SPATA13: variants seen among roughly 807,000 people sequenced by gnomAD.
SPATA13 encodes spermatogenesis associated 13, also known as spermatogenesis-associated protein 13.
In SPATA13, 50 loss-of-function variants were observed where a neutral mutation model predicts 104.0. The ratio of observed to expected loss-of-function variants is 0.48; its 90% CI spans 0.38 to 0.61. SPATA13 has a LOEUF of 0.61. Ranked by LOEUF, SPATA13 falls within the 20% of genes least tolerant of loss-of-function variation. The pLI is 0.00. For synonymous variants in SPATA13, 606 were observed against 667.5 expected (o/e 0.91, Z 1.42); for missense variants, 1,524 against 1,690.6 (o/e 0.90, Z 1.73).
At chr13:24,251,545 G>C in intron 3 of SPATA13, 173 bp from the exon 4 acceptor site, 1 of 1,461,880 alleles carries the variant, frequency 6.8e-7, no homozygotes, top group Non-Finnish European at 9.0e-7. Context: ...GTTAAAAACT[G>C]TAGCATCATG....
intron 3 of SPATA13, among the ~76,000 whole-genome samples, chr13:24,103,925 T>C (rs1258680381): frequency 6.6e-6 from 1 of 152,198 alleles, no homozygotes; most frequent in Non-Finnish European, 1.5e-5. Context: ...CCAGCGCTGC[T>C]CAGACATGTC....
intron 7 of SPATA13, among the ~76,000 whole-genome samples, chr13:24,288,366 T>C (rs1876104163): frequency 6.6e-6 from 1 of 152,258 alleles, no homozygotes; most frequent in African/African-American, 2.4e-5. Context: ...ATGGTCAGTT[T>C]ATTCTACTGA....
chr13:24,092,015 T>C (rs1001499986), intron 3 of SPATA13, among the ~76,000 whole-genome samples: 8 of 152,230 alleles, frequency 5.3e-5, no homozygotes, highest in African/African-American at 1.9e-4. Context: ...CCGTTCTTCC[T>C]GACGGTTAGT....
chr13:24,032,425 T>G (rs372889856), intron 3 of SPATA13, among the ~76,000 whole-genome samples: 39 of 152,372 alleles, frequency 2.6e-4, no homozygotes, highest in African/African-American at 9.1e-4. Flanking sequence ...CACATGGTAT[T>G]ATTCTTAACA....
intron 1 of SPATA13, among the ~76,000 whole-genome samples, chr13:24,210,157 G>A (rs1444771646): frequency 1.3e-5 from 2 of 152,146 alleles, no homozygotes; most frequent in Admixed American, 6.6e-5. Flanking sequence ...AGTTGTTTGA[G>A]ATCCTCATCT....
At chr13:24,249,221 C>T (rs1873334133) in intron 2 of SPATA13, among the ~76,000 whole-genome samples, 1 of 152,198 alleles carries the variant, frequency 6.6e-6, no homozygotes, top group Non-Finnish European at 1.5e-5. Flanking sequence ...GGTCACCAAA[C>T]CACTATTTCA....
At chr13:23,981,751 C>G (rs1477925763) in intron 1 of SPATA13, among the ~76,000 whole-genome samples, 1 of 152,190 alleles carries the variant, frequency 6.6e-6, no homozygotes, top group Non-Finnish European at 1.5e-5. Flanking sequence ...GGCTCAAGAT[C>G]CAAAAGCCAC....
chr13:24,052,033 T>C (rs1878359288), intron 3 of SPATA13, among the ~76,000 whole-genome samples: 1 of 152,092 alleles, frequency 6.6e-6, no homozygotes, highest in Non-Finnish European at 1.5e-5. Flanking sequence ...CCCTACCAGC[T>C]GGTGAGGAGT....
At chr13:24,145,570 G>A (rs907014192) in intron 3 of SPATA13, among the ~76,000 whole-genome samples, 30 of 152,192 alleles carry the variant, frequency 2.0e-4, no homozygotes, top group African/African-American at 6.8e-4. Flanking sequence ...TGGCATTGGT[G>A]CCTGAATAAC....
chr13:24,092,594 C>T (rs1396462305), intron 3 of SPATA13, among the ~76,000 whole-genome samples: 2 of 152,040 alleles, frequency 1.3e-5, no homozygotes, highest in Non-Finnish European at 2.9e-5. Context: ...TCAGAAAGCC[C>T]ATTTTAGGGT....
intron 3 of SPATA13, among the ~76,000 whole-genome samples, chr13:24,145,166 CAGAA>C (rs1305583648): frequency 3.3e-5 from 5 of 152,138 alleles, no homozygotes; most frequent in African/African-American, 1.2e-4. Context: ...CTGGGGGTGT[CAGAA>C]AGAGACAGTG....
intron 3 of SPATA13, among the ~76,000 whole-genome samples, chr13:24,025,109 T>G (rs980834785): frequency 6.6e-6 from 1 of 151,786 alleles, no homozygotes; most frequent in African/African-American, 2.4e-5. Flanking sequence ...AGGTAGCCAC[T>G]GTTGCAAATA....
At chr13:24,220,067 C>A (rs766889513) in intron 1 of SPATA13, among the ~76,000 whole-genome samples, 1 of 152,086 alleles carries the variant, frequency 6.6e-6, no homozygotes, top group African/African-American at 2.4e-5. Context: ...CTAGAATGAG[C>A]GATTACCTTA....
intron 4 of SPATA13, among the ~76,000 whole-genome samples, chr13:24,266,984 G>C (rs906960075): frequency 2.0e-5 from 3 of 151,842 alleles, no homozygotes; most frequent in Admixed American, 1.3e-4. Flanking sequence ...TTTGAACTAT[G>C]GTTTAGGTTT....
chr13:24,287,990 C>T (rs989206911), intron 7 of SPATA13, among the ~76,000 whole-genome samples: 2 of 152,222 alleles, frequency 1.3e-5, no homozygotes, highest in Non-Finnish European at 2.9e-5. Context: ...TCGGATTAGC[C>T]AGCTGTGTGG....
rs780480617 is a variant in SPATA13, at chr13:24,286,804, A to G, written c.2521A>G (p.Ser841Gly). 1 of 1,613,666 alleles carries G rather than the reference A, an allele frequency of 6.2e-7. No individual in the cohort carries two copies. Among genetic ancestry groups the G allele is most frequent in the South Asian group, 1.1e-5 (1 of 91,064 alleles). The change falls in exon 7 of 13, where the codon AGC becomes GGC. Residue 841 changes from serine to glycine, a missense_variant. Ser to Gly is a moderately conservative substitution (Grantham distance 56). Around this residue, in one of 2 missense-constraint regions of SPATA13, gnomAD observed 1,089 missense variants for 1,135.9 expected, o/e 0.96. Transcript: ENST00000382108. This position sits in a 1 kb window ranked among gnomAD's most constrained non-coding sequence, Gnocchi z 4.9. ...GGAAGAGCTGTCGGAAAACTCCAGC[A>G]GCACCCCCAGTGAGGAGCAGGACGA... ...NQEELSENSS[S>G]TPSEEQDEEA...
At chr13:24,000,803 G>A (rs547658642) in intron 2 of SPATA13, among the ~76,000 whole-genome samples, 206 of 152,144 alleles carry the variant, frequency 1.4e-3, no homozygotes, top group Non-Finnish European at 2.8e-3. Flanking sequence ...GTGGGTCAGA[G>A]GTTTGAATTC....
intron 2 of SPATA13, among the ~76,000 whole-genome samples, chr13:24,248,363 G>T (rs762745694): frequency 5.0e-4 from 76 of 152,382 alleles, no homozygotes; most frequent in Non-Finnish European, 6.5e-4. Context: ...TAGGTGACTT[G>T]CCTGAGATTG....
intron 2 of SPATA13, among the ~76,000 whole-genome samples, chr13:23,989,509 A>C (rs564037917): frequency 1.3e-5 from 2 of 152,330 alleles, no homozygotes; most frequent in East Asian, 3.9e-4. Flanking sequence ...AAAACAACCC[A>C]AAATAGCGTA....
Sources: gnomAD v4.1 joint callset for allele counts (sites outside exome capture counted in the v4.1 genomes callset) on GRCh38, gnomAD v4.1.1 for gene constraint, gnomAD v4.1.1 regional missense constraint, Gnocchi (gnomAD v3.1) non-coding constraint, MANE v1.5 for transcripts, NCBI Gene and HGNC (gene_info 2026-07-23, HGNC 2026-07-21) for gene names.